Variants in PTPRT observed in about 807,000 individuals in gnomAD.
PTPRT encodes receptor-type tyrosine-protein phosphatase T.
Under a neutral mutation model 176.8 loss-of-function variants are expected in PTPRT, and 56 were observed. The observed-to-expected ratio is 0.32, with a 90% confidence interval of 0.26 to 0.40. The LOEUF (loss-of-function observed/expected upper bound fraction) is 0.40, where lower values mean the gene tolerates loss of function less well. Ranked by LOEUF, PTPRT falls within the 10% of genes least tolerant of loss-of-function variation. PTPRT has a pLI of 1.00. For synonymous variants in PTPRT, 783 were observed against 739.0 expected (o/e 1.06, Z -0.96); for missense variants, 1,540 against 1,908.2 (o/e 0.81, Z 3.60).
rs912511568 is a variant in PTPRT, at chr20:43,189,315, A to C, written c.88+331T>G. ...CCTCGTCTCGCCGCCCCAAACACTCAAGTGGCAGATTCCGACAAGTGGGAG... is the reference window on the plus strand; with the variant it reads ...CCTCGTCTCGCCGCCCCAAACACTCCAGTGGCAGATTCCGACAAGTGGGAG... On this transcript the variant is annotated intron_variant, in intron 1 of 30. Transcript: ENST00000373187. The surrounding 1 kb of genome is among the most constrained non-coding windows in gnomAD (Gnocchi z 5.0). 2.6e-5 allele frequency among the ~76,000 whole-genome samples: 4 copies of C among 151,868 alleles called. No individual in the cohort carries two copies. Among genetic ancestry groups the C allele is most frequent in the African/African-American group, 7.3e-5 (3 of 41,336 alleles).
chr20:43,188,486 T>TC (rs2015450554), intron 1 of PTPRT, among the ~76,000 whole-genome samples: 1 of 152,046 alleles, frequency 6.6e-6, no homozygotes, highest in Non-Finnish European at 1.5e-5. Context: ...ACGCTGTACC[T>TC]CCCCACAGGT....
intron 1 of PTPRT, among the ~76,000 whole-genome samples, chr20:43,170,152 C>T (rs766102063): frequency 2.7e-5 from 4 of 150,166 alleles, no homozygotes; most frequent in Non-Finnish European, 5.9e-5. Context: ...GAATTTCCCC[C>T]GTATATATAC....
chr20:42,794,131 C>A (rs775733991), intron 2 of PTPRT, among the ~76,000 whole-genome samples: 7 of 152,202 alleles, frequency 4.6e-5, no homozygotes, highest in African/African-American at 7.2e-5. Flanking sequence ...AGAGATTGCC[C>A]TGTTCCATGT....
chr20:42,676,356 CAAG>C, intron 7 of PTPRT, among the ~76,000 whole-genome samples: 1 of 152,120 alleles, frequency 6.6e-6, no homozygotes, highest in African/African-American at 2.4e-5. Flanking sequence ...ACCTATATGT[CAAG>C]TCATGGCAGA....
intron 15 of PTPRT, among the ~76,000 whole-genome samples, chr20:42,218,298 C>T (rs1358419401): frequency 1.3e-5 from 2 of 152,152 alleles, no homozygotes; most frequent in Admixed American, 6.5e-5. Context: ...GTGATTACAA[C>T]GATGAAGAAG....
At chr20:42,142,110 G>A in intron 17 of PTPRT, 108 bp from the exon 18 acceptor site, 2 of 882,608 alleles carry the variant, frequency 2.3e-6, no homozygotes, top group Non-Finnish European at 3.8e-6. Context: ...GACTCCTAGT[G>A]GAAAGGGATA....
At chr20:42,748,352 C>T (rs369047139) in intron 6 of PTPRT, among the ~76,000 whole-genome samples, 17 of 152,172 alleles carry the variant, frequency 1.1e-4, no homozygotes, top group African/African-American at 3.6e-4. Context: ...TGATATAGCC[C>T]TCCAGCTCCT....
chr20:42,045,664 T>C, the PTPRT span, among the ~76,000 whole-genome samples: 1 of 151,700 alleles, frequency 6.6e-6, no homozygotes, highest in African/African-American at 2.4e-5. Context: ...CCTTTTTTTT[T>C]TCTTTTAAAC....
chr20:42,189,625 A>G (rs1175498795), intron 16 of PTPRT, among the ~76,000 whole-genome samples: 2 of 152,208 alleles, frequency 1.3e-5, no homozygotes, highest in African/African-American at 4.8e-5. Flanking sequence ...AAAATATTAC[A>G]TAGAAGACAA....
intron 27 of PTPRT, among the ~76,000 whole-genome samples, chr20:42,094,508 G>C (rs1286141664): frequency 6.6e-6 from 1 of 152,042 alleles, no homozygotes; most frequent in African/African-American, 2.4e-5. Flanking sequence ...CCACAGCTTT[G>C]ATCTCCTGGG....
intron 11 of PTPRT, among the ~76,000 whole-genome samples, chr20:42,342,637 G>A (rs146241345): frequency 1.7e-3 from 264 of 152,240 alleles, no homozygotes; most frequent in African/African-American, 5.7e-3. Context: ...CTAAATGTTC[G>A]TTTCTCTTTC....
At chr20:42,501,505 A>G (rs922317014) in intron 7 of PTPRT, among the ~76,000 whole-genome samples, 1 of 152,132 alleles carries the variant, frequency 6.6e-6, no homozygotes, top group African/African-American at 2.4e-5. Flanking sequence ...TACTTTCTAT[A>G]TACACCAAGG....
chr20:42,803,623 G>A (rs1385461806), intron 2 of PTPRT, among the ~76,000 whole-genome samples: 4 of 152,070 alleles, frequency 2.6e-5, no homozygotes, highest in South Asian at 4.2e-4. Context: ...GCATGATCTC[G>A]GCTCACTGCA....
chr20:42,873,056 A>G (rs1345120585), intron 2 of PTPRT, among the ~76,000 whole-genome samples: 2 of 152,242 alleles, frequency 1.3e-5, no homozygotes, highest in Non-Finnish European at 2.9e-5. Context: ...CTCTGTTGTT[A>G]ATATGTTCTA....
At chr20:42,101,908 C>T (rs1985970632) in intron 26 of PTPRT, among the ~76,000 whole-genome samples, 1 of 152,210 alleles carries the variant, frequency 6.6e-6, no homozygotes, top group South Asian at 2.1e-4. Flanking sequence ...TCTATTCTTT[C>T]CAGGCTCTTT....
chr20:42,862,388 C>A (rs2145796458), intron 2 of PTPRT, among the ~76,000 whole-genome samples: 1 of 152,268 alleles, frequency 6.6e-6, no homozygotes, highest in African/African-American at 2.4e-5. Context: ...AAATAGATGG[C>A]AAGTTCCTGA....
the PTPRT span, among the ~76,000 whole-genome samples, chr20:42,062,877 A>G: frequency 6.6e-5 from 10 of 152,332 alleles, no homozygotes; most frequent in African/African-American, 2.4e-4. Context: ...GAGCTGAGCT[A>G]TGCTGCCTGT....
intron 7 of PTPRT, among the ~76,000 whole-genome samples, chr20:42,551,191 G>A (rs1284317702): frequency 6.6e-6 from 1 of 152,046 alleles, no homozygotes; most frequent in Non-Finnish European, 1.5e-5. Context: ...ATGGATTTAT[G>A]CATATTAGAC....
intron 14 of PTPRT, among the ~76,000 whole-genome samples, chr20:42,238,064 A>G (rs2146866520): frequency 6.6e-6 from 1 of 152,090 alleles, no homozygotes; most frequent in East Asian, 1.9e-4. Context: ...TCATCATCTC[A>G]TCTCCTCTTC....
Sources: allele counts gnomAD v4.1 joint callset (sites outside exome capture counted in the v4.1 genomes callset), GRCh38; gene constraint gnomAD v4.1.1; non-coding constraint Gnocchi (gnomAD v3.1); transcripts MANE v1.5; gene names NCBI Gene and HGNC (gene_info 2026-07-23, HGNC 2026-07-21).